The following MPP3 variants were observed in gnomAD, a reference collection of about 807,000 sequenced individuals.
MPP3 encodes MAGUK p55 scaffold protein 3.
A neutral mutation model predicts 80.7 loss-of-function variants in MPP3; 48 were observed. That is an observed-to-expected ratio of 0.59 (90% confidence interval 0.47 to 0.76). The LOEUF is 0.76. Ranked by LOEUF, MPP3 falls within the 30% of genes least tolerant of loss-of-function variation. The pLI is 0.00. For synonymous variants in MPP3, 311 were observed against 297.6 expected, an observed-to-expected ratio of 1.04 and a Z score of -0.46; for missense variants, 620 against 763.0, an observed-to-expected ratio of 0.81 and a Z score of 2.21.
intron 19 of MPP3, among the ~76,000 whole-genome samples, chr17:43,804,112 A>C (rs2044519102): frequency 6.6e-6 from 1 of 152,162 alleles, no homozygotes; most frequent in South Asian, 2.1e-4. Flanking sequence ...TCTCCCAGTG[A>C]CTTCTTGACT....
At chr17:43,810,993 C>A in intron 17 of MPP3, 78 bp from the exon 18 acceptor site, 1 of 1,421,456 alleles carries the variant, frequency 7.0e-7, no homozygotes, top group African/African-American at 1.4e-5. Flanking sequence ...GACCTCCCAA[C>A]ATGACTTCTC....
At position 43,801,718 on chromosome 17, in the gene MPP3, C is replaced by T. The variant is rs1567790967; in HGVS notation, c.1741G>A (p.Val581Ile). The T allele has an allele frequency of 6.2e-7, 1 of 1,614,116 alleles. No homozygotes were observed. ...KLSKDTHWVP[V>I]SWVR ...GGATAAAGTTACCTGACCCAACTAA[C>T]AGGTACCCAGTGAGTGTCCTTGCTC... Residue 581 changes from valine (V) to isoleucine (I), a missense_variant, in exon 20 of 20, where the codon GTT becomes ATT. Physicochemically the swap from Val to Ile is conservative, Grantham distance 29 (BLOSUM62 3). Transcript: ENST00000398389.
intron 9 of MPP3, 172 bp downstream of exon 9, chr17:43,825,584 C>T: frequency 1.8e-6 from 1 of 570,418 alleles, no homozygotes; most frequent in South Asian, 2.2e-5. Context: ...CCTCCTCCTG[C>T]TGCCACCCCA....
At chr17:43,818,206 T>C in intron 11 of MPP3, 96 bp from the exon 12 acceptor site, 1 of 1,138,456 alleles carries the variant, frequency 8.8e-7, no homozygotes, top group Non-Finnish European at 1.2e-6. Context: ...AAGGCCTGGA[T>C]CCCACAGGTG....
chr17:43,815,859 G>C lies in MPP3; in HGVS notation c.1009+179C>G, dbSNP rs1258337035. On this transcript the variant is annotated intron_variant, in intron 14 of 19. Transcript: ENST00000398389. ...GGTAAAAGCTGGGTGGGGGCCCAAT[G>C]CCTGGGCAGGCTCAGCTCCTGCTTG... 5.8e-6 allele frequency: 4 copies of C among 693,580 alleles called. No homozygotes were observed. In the East Asian group the frequency reaches 1.1e-4, roughly 19 times the overall value. 43.0% of individuals were successfully genotyped at this position (693,580 alleles called of 1,614,324 possible).
chr17:43,814,057 T>G lies in MPP3; in HGVS notation c.1209A>C (p.Gln403His). 6.2e-7 allele frequency: 1 copy of G among 1,613,594 alleles called. No homozygotes were observed. Among genetic ancestry groups the G allele is most frequent in the Non-Finnish European group, 8.5e-7 (1 of 1,179,664 alleles). ...SLGARLHELK[Q>H]KVVAENPQHF... ...GCTGTGGGTTCTCAGCCACCACCTT[T>G]TGCTTCAGCTCGTGCAGTCGGGCTC... Residue 403 changes from glutamine to histidine, a missense_variant, in exon 16 of 20, where the codon CAA becomes CAC. Gln to His is a conservative substitution (Grantham distance 24, BLOSUM62 0). Transcript: ENST00000398389.
chr17:43,822,045 C>T (rs1449147205), intron 10 of MPP3, among the ~76,000 whole-genome samples: 1 of 152,166 alleles, frequency 6.6e-6, no homozygotes, highest in African/African-American at 2.4e-5. Flanking sequence ...GGACAGGCTA[C>T]TCATTTTGTC....
Position 43,829,759 on chromosome 17 carries a change from C to T in MPP3, c.336G>A (p.Gln112=). Reference sequence around the variant, plus strand: ...GCGGGAGAACGGGGTCAAAATTCTTCTGGGCAACCGTGTCATGTACCATGA... The same window carrying T: ...GCGGGAGAACGGGGTCAAAATTCTTTTGGGCAACCGTGTCATGTACCATGA... ...AVLMVHDTVA[Q]KNFDPVLPPL... Residue 112 remains glutamine (Q), a synonymous_variant, in exon 7 of 20, where the codon CAG becomes CAA. Coordinates refer to ENST00000398389, the MANE Select transcript of MPP3 (RefSeq NM_001932.6). 6.2e-7 allele frequency: 1 copy of T among 1,613,966 alleles called. No individual in the cohort carries two copies.
In MPP3 at chr17:43,830,037, G is replaced by A. The variant is rs1277656729; in HGVS notation, c.293C>T (p.Pro98Leu). 15 of 1,598,314 alleles carry A rather than the reference G, an allele frequency of 9.4e-6. No individual in the cohort carries two copies. The highest frequency in any genetic ancestry group is 3.5e-5 in the Admixed American group (2 of 57,312). ...GCTCTGTGTGACTACCCTCAGGTGC[G>A]GGGTGGACAGCAGCTGGAGCAGCTC... Reference protein sequence around the residue: ...ERELLQLLSTPHLRAVLMVHD... With the variant: ...ERELLQLLSTLHLRAVLMVHD... Residue 98 changes from proline (P) to leucine (L), a missense_variant, in exon 6 of 20, where the codon CCG becomes CTG. Transcript: ENST00000398389.
chr17:43,830,594 G>A (rs1296034720), intron 5 of MPP3, among the ~76,000 whole-genome samples: 2 of 152,274 alleles, frequency 1.3e-5, no homozygotes, highest in East Asian at 1.9e-4. Flanking sequence ...GACAGGCAGC[G>A]CTGAGCCTGG....
chr17:43,808,678 T>C (rs1441903504), intron 19 of MPP3, among the ~76,000 whole-genome samples: 2 of 152,230 alleles, frequency 1.3e-5, no homozygotes, highest in East Asian at 3.8e-4. Context: ...GGTGTCACAT[T>C]TTGCGGGAGG....
At chr17:43,822,671 C>T (rs1368757085) in intron 10 of MPP3, among the ~76,000 whole-genome samples, 1 of 1,870 alleles carries the variant, frequency 5.3e-4, no homozygotes, top group African/African-American at 5.4e-3. Flanking sequence ...CTGCACCACT[C>T]CCATCCTAAA....
At chr17:43,831,781 G>A (rs1009605406) in intron 3 of MPP3, 101 bp downstream of exon 3, 10 of 1,438,370 alleles carry the variant, frequency 7.0e-6, no homozygotes, top group Non-Finnish European at 9.5e-6. Flanking sequence ...CCTGCCGTGA[G>A]GACATTCTCT....
chr17:43,829,069 A>C (rs572075735), intron 7 of MPP3, among the ~76,000 whole-genome samples: 56 of 152,318 alleles, frequency 3.7e-4, no homozygotes, highest in African/African-American at 1.3e-3. Flanking sequence ...TCTCATAAAC[A>C]ACGCTGTCCC....
In MPP3 at chr17:43,829,641, C is replaced by G; in HGVS notation, c.441+13G>C. ...GAAGAGTGGGTTAGAGAGGGGCAGG[C>G]AGCAGCACCTACCAGGGGTTCCTTG... On this transcript the variant is annotated intron_variant, in intron 7 of 19. Coordinates refer to ENST00000398389, the MANE Select transcript of MPP3 (RefSeq NM_001932.6). 6.2e-7 allele frequency: 1 copy of G among 1,612,844 alleles called. No individual in the cohort carries two copies. The highest frequency in any genetic ancestry group is 8.5e-7 in the Non-Finnish European group (1 of 1,179,786).
chr17:43,805,556 T>C lies in MPP3; in HGVS notation c.1581+3400A>G, dbSNP rs1463863463. ...AAGGTAGAAACAATCTAAATGTCCA[T>C]TAATCGATAAATGGGTAAACAAAAT... On this transcript the variant is annotated intron_variant, in intron 19 of 19. Transcript: ENST00000398389. Among the ~76,000 whole-genome samples the C allele has an allele frequency of 2.0e-5, 3 of 152,204 alleles. No homozygotes were observed. In the East Asian group the frequency reaches 5.8e-4, roughly 29 times the overall value.
intron 8 of MPP3, 125 bp from the exon 9 acceptor site, chr17:43,825,966 T>C: frequency 1.5e-6 from 1 of 657,742 alleles, no homozygotes; most frequent in East Asian, 2.8e-5. Context: ...GGTTTAAAGT[T>C]GATGGGTGGG....
At chr17:43,804,357 T>C (rs2044529949) in intron 19 of MPP3, among the ~76,000 whole-genome samples, 1 of 152,156 alleles carries the variant, frequency 6.6e-6, no homozygotes, top group African/African-American at 2.4e-5. Context: ...TGTAGACCAA[T>C]GGAATGGGAC....
chr17:43,807,511 G>A (rs1338493732), intron 19 of MPP3, among the ~76,000 whole-genome samples: 3 of 151,148 alleles, frequency 2.0e-5, no homozygotes, highest in African/African-American at 7.3e-5. Context: ...GTAGAGATGG[G>A]GTTTCACCAA....
Sources: allele counts gnomAD v4.1 joint callset (sites outside exome capture counted in the v4.1 genomes callset), GRCh38; gene constraint gnomAD v4.1.1; transcripts MANE v1.5; gene names NCBI Gene and HGNC (gene_info 2026-07-23, HGNC 2026-07-21).